The following ACOXL variants were observed in gnomAD, a reference collection of about 807,000 sequenced individuals.
The protein encoded by ACOXL is acyl-coenzyme A oxidase-like protein.
A neutral mutation model predicts 71.9 loss-of-function variants in ACOXL; 70 were observed. That is an observed-to-expected ratio of 0.97 (90% CI 0.80 to 1.19). The LOEUF (loss-of-function observed/expected upper bound fraction) is 1.19. Among genes scored for constraint, ACOXL ranks in the 50% most tolerant of loss-of-function variants. The probability of loss-of-function intolerance (pLI) is 0.00; values close to 1 mark genes in which losing one functional copy is unlikely to be tolerated. For missense variants in ACOXL, 703 were observed against 736.3 expected (o/e 0.95, Z 0.52); for synonymous variants, 253 against 281.6 (o/e 0.90, Z 1.02).
intron 14 of ACOXL, among the ~76,000 whole-genome samples, chr2:110,998,882 T>C (rs566224298): frequency 3.9e-5 from 6 of 152,300 alleles, no homozygotes; most frequent in Non-Finnish European, 4.4e-5. Context: ...AGATTACACA[T>C]TGTGTATAGA....
At chr2:110,821,393 C>T (rs1688583258) in intron 9 of ACOXL, among the ~76,000 whole-genome samples, 1 of 152,124 alleles carries the variant, frequency 6.6e-6, no homozygotes, top group South Asian at 2.1e-4. Context: ...GTCTGAGCTC[C>T]AAAGAAGAGC....
chr2:110,764,812 A>C (rs1209382588), intron 1 of ACOXL, among the ~76,000 whole-genome samples: 1 of 152,294 alleles, frequency 6.6e-6, no homozygotes, highest in Admixed American at 6.5e-5. Context: ...AAACTGCTCT[A>C]AAAAAGTCTA....
chr2:110,887,633 T>C (rs1697463172), intron 10 of ACOXL: 2 of 152,210 alleles, frequency 1.3e-5, no homozygotes, highest in Non-Finnish European at 2.9e-5. Context: ...TTTATTTTTA[T>C]TTCAGTTGTA....
At chr2:110,902,543 C>T (rs2059283553) in intron 10 of ACOXL, among the ~76,000 whole-genome samples, 1 of 152,112 alleles carries the variant, frequency 6.6e-6, no homozygotes, top group South Asian at 2.1e-4. Context: ...CAGCGAGGTC[C>T]CTTCCATGAT....
intron 16 of ACOXL, among the ~76,000 whole-genome samples, chr2:111,055,319 G>A (rs2066481963): frequency 6.6e-6 from 1 of 152,240 alleles, no homozygotes; most frequent in Non-Finnish European, 1.5e-5. Context: ...AGCCTGTCAA[G>A]TGGGTGAGGT....
At chr2:110,826,434 C>T (rs1689169024) in intron 9 of ACOXL, among the ~76,000 whole-genome samples, 1 of 152,200 alleles carries the variant, frequency 6.6e-6, no homozygotes, top group Non-Finnish European at 1.5e-5. Flanking sequence ...AGTCATGCTT[C>T]CTTCTCAGAG....
At chr2:110,845,563 A>C (rs908666312) in intron 10 of ACOXL, among the ~76,000 whole-genome samples, 1 of 152,174 alleles carries the variant, frequency 6.6e-6, no homozygotes, top group African/African-American at 2.4e-5. Flanking sequence ...CTGTAACTCC[A>C]TACCCATTAA....
At chr2:110,891,826 A>G (rs1457075665) in intron 10 of ACOXL, among the ~76,000 whole-genome samples, 1 of 151,910 alleles carries the variant, frequency 6.6e-6, no homozygotes, top group East Asian at 1.9e-4. Context: ...GGTCCAGTCC[A>G]TGACAGGGGT....
At chr2:110,963,723 G>A (rs768903505) in intron 12 of ACOXL, 26 of 1,613,402 alleles carry the variant, frequency 1.6e-5, no homozygotes, top group South Asian at 4.4e-5. Context: ...GGTAAGATTC[G>A]GGAAATGTTT....
At chr2:111,022,075 G>A (rs879764121) in intron 14 of ACOXL, among the ~76,000 whole-genome samples, 5 of 152,116 alleles carry the variant, frequency 3.3e-5, no homozygotes, top group East Asian at 1.9e-4. Context: ...TAGGAAGGCC[G>A]GACGTGGTGG....
Position 110,805,249 on chromosome 2 carries a change from T to TC in ACOXL, c.621-13dup. 1 of 1,613,786 alleles carries TC rather than the reference T, an allele frequency of 6.2e-7. No homozygotes were observed. The highest frequency in any genetic ancestry group is 8.5e-7 in the Non-Finnish European group (1 of 1,179,814). On this transcript the variant is annotated splice_polypyrimidine_tract_variant and intron_variant, in intron 8 of 17. Transcript: ENST00000439055. Reference sequence around the variant, plus strand: ...TCCTGCTTTTTTGTGAAACCCCACCTCTCTTTTCCACAGGTTTGGTTCCGT... The same window carrying TC: ...TCCTGCTTTTTTGTGAAACCCCACCTCCTCTTTTCCACAGGTTTGGTTCCGT...
intron 10 of ACOXL, among the ~76,000 whole-genome samples, chr2:110,904,323 G>A (rs191206955): frequency 7.5e-4 from 114 of 152,274 alleles, no homozygotes; most frequent in African/African-American, 2.5e-3. Context: ...ACCAGTGTCT[G>A]AGAATTGAAT....
At chr2:111,061,076 TA>T (rs1357803713) in intron 16 of ACOXL, among the ~76,000 whole-genome samples, 2 of 151,728 alleles carry the variant, frequency 1.3e-5, no homozygotes, top group Admixed American at 6.6e-5. Flanking sequence ...CAGGAAAAGA[TA>T]AAAAAAGAAG....
At position 110,767,726 on chromosome 2, in the gene ACOXL, C is replaced by T. The variant is rs13028236; in HGVS notation, c.-22-642C>T. On this transcript the variant is annotated intron_variant, in intron 1 of 17. Coordinates refer to ENST00000439055, the MANE Select transcript of ACOXL (RefSeq NM_001142807.4). ...CTCCCTTGCCCCTATCTCCCAAATG[C>T]TGCTTTTAAGTCATCTCAGACAATT... Among the ~76,000 whole-genome samples the T allele has an allele frequency of 6.0e-3, 916 of 152,298 alleles. 5 individuals carry two copies. Among genetic ancestry groups the T allele is most frequent in the Middle Eastern group, 0.024 (7 of 294 alleles).
At chr2:111,042,410 C>T (rs896198564) in intron 15 of ACOXL, among the ~76,000 whole-genome samples, 10 of 152,228 alleles carry the variant, frequency 6.6e-5, no homozygotes, top group African/African-American at 1.9e-4. Context: ...GCTCCCTGCA[C>T]GGCCACAGGC....
chr2:110,961,766 A>G (rs1408164533), intron 12 of ACOXL, among the ~76,000 whole-genome samples: 1 of 152,198 alleles, frequency 6.6e-6, no homozygotes, highest in Non-Finnish European at 1.5e-5. Flanking sequence ...AGGCTCCACA[A>G]TCATGGCAGA....
chr2:110,965,537 G>A (rs2061886006), intron 12 of ACOXL, among the ~76,000 whole-genome samples: 1 of 152,198 alleles, frequency 6.6e-6, no homozygotes, highest in Admixed American at 6.5e-5. Flanking sequence ...ATAAGGTGAT[G>A]TGTTGTGCTA....
At chr2:110,904,161 G>A (rs1301296200) in intron 10 of ACOXL, among the ~76,000 whole-genome samples, 1 of 135,838 alleles carries the variant, frequency 7.4e-6, no homozygotes, top group Non-Finnish European at 1.7e-5. Context: ...GAAAGAGTTG[G>A]GTGGTGCCTA....
chr2:111,098,531 A>G (rs1056512412), intron 17 of ACOXL: 1 of 152,246 alleles, frequency 6.6e-6, no homozygotes. Context: ...CTCAGGAGAT[A>G]TGGTAACTAA....
Sources: gnomAD v4.1 joint callset for allele counts (sites outside exome capture counted in the v4.1 genomes callset) on GRCh38, gnomAD v4.1.1 for gene constraint, MANE v1.5 for transcripts, NCBI Gene and HGNC (gene_info 2026-07-23, HGNC 2026-07-21) for gene names.